Variants in ISYNA1 observed in about 807,000 individuals in gnomAD.
ISYNA1 encodes inositol-3-phosphate synthase 1.
A neutral mutation model predicts 50.3 loss-of-function variants in ISYNA1; 34 were observed. The observed-to-expected ratio is 0.68, with a 90% CI of 0.51 to 0.90. The LOEUF (loss-of-function observed/expected upper bound fraction) is 0.90, where lower values mean the gene tolerates loss of function less well. Ranked by LOEUF, ISYNA1 falls within the 40% of genes least tolerant of loss-of-function variation. ISYNA1 has a pLI of 0.00. For missense variants in ISYNA1, 718 were observed against 784.8 expected (o/e 0.91, Z 1.02); for synonymous variants, 396 against 349.9 (o/e 1.13, Z -1.47).
In ISYNA1 at chr19:18,435,000, C is replaced by G; in HGVS notation, c.1590G>C (p.Lys530Asn). ...PVAATYPMLNKKGPVPAATNG... is the reference protein window; with the variant it reads ...PVAATYPMLNNKGPVPAATNG... The stretch of plus-strand genomic sequence containing the variant: ...TGGTGGCAGCGGGTACCGGTCCTTT[C>G]TTGTTCAACATAGGGTAGGTGGCAG... Residue 530 changes from lysine to asparagine, a missense_variant, in exon 11 of 11, where the codon AAG (lysine) becomes AAC (asparagine). Lys to Asn is a moderately conservative substitution (Grantham distance 94). This residue lies in a region of ISYNA1 where 305 missense variants were observed against 292.6 expected (regional missense o/e 1.04). Transcript: ENST00000338128. The G allele has an allele frequency of 1.2e-6, 2 of 1,613,542 alleles. No individual in the cohort carries two copies. Among genetic ancestry groups the G allele is most frequent in the Non-Finnish European group, 1.7e-6 (2 of 1,180,014 alleles).
rs1370973922 is a variant in ISYNA1, at chr19:18,436,335, T to C, written c.754A>G (p.Ile252Val). 7 of 1,612,140 alleles carry C rather than the reference T, an allele frequency of 4.3e-6. No individual in the cohort carries two copies. Among genetic ancestry groups the C allele is most frequent in the Non-Finnish European group, 5.9e-6 (7 of 1,179,910 alleles). Residue 252 changes from isoleucine (I) to valine (V), a missense_variant, in exon 6 of 11, where the codon ATT (isoleucine) becomes GTT (valine). Around this residue, in one of 3 missense-constraint regions of ISYNA1, gnomAD observed 403 missense variants for 466.6 expected, o/e 0.86. Transcript: ENST00000338128. ...CCACCCGGGCGTTCGCCCACCTCAA[T>C]GGTGCGCAGCAGGTTCTCGGCTGTG... ...NDTAENLLRT[I>V]ELGLEVSPST... is the part of the protein sequence containing the mutation.
At chr19:18,436,932 A>G in intron 4 of ISYNA1, 41 bp downstream of exon 4, 3 of 1,600,800 alleles carry the variant, frequency 1.9e-6, no homozygotes, top group Non-Finnish European at 2.6e-6. Flanking sequence ...TCCAGACCCC[A>G]TCTCCCATCC....
Position 18,434,992 on chromosome 19 carries a change from G to C in ISYNA1, c.1598C>G (p.Pro533Arg), listed in dbSNP as rs751189492. The C allele has an allele frequency of 3.1e-6, 5 of 1,613,446 alleles. No homozygotes were observed. The highest frequency in any genetic ancestry group is 1.7e-5 in the Admixed American group (1 of 60,012). The change falls in exon 11 of 11, where the codon CCG becomes CGG. Residue 533 changes from proline (P) to arginine (R), a missense_variant. Physicochemically the swap from Pro to Arg is moderately radical, Grantham distance 103. Transcript: ENST00000338128. ...ATYPMLNKKGPVPAATNGCTG... is the reference protein window; with the variant it reads ...ATYPMLNKKGRVPAATNGCTG... Reference sequence around the variant, plus strand: ...GCAGCCATTGGTGGCAGCGGGTACCGGTCCTTTCTTGTTCAACATAGGGTA... The same window carrying C: ...GCAGCCATTGGTGGCAGCGGGTACCCGTCCTTTCTTGTTCAACATAGGGTA...
intron 5 of ISYNA1, 91 bp downstream of exon 5, chr19:18,436,593 G>A (rs1600396737): frequency 1.3e-6 from 2 of 1,599,996 alleles, no homozygotes; most frequent in African/African-American, 2.7e-5. Context: ...GGTGTCAAGT[G>A]AGGCCTGGAT....
Position 18,434,724 on chromosome 19 carries a change from G to C in ISYNA1, c.*189C>G. ...GGAGTTGGGGTGATGACCATGGGCA[G>C]AGGGGATGGGACTGAAGCTGGGCGC... On this transcript the variant is annotated 3_prime_UTR_variant, in exon 11 of 11. Transcript: ENST00000338128. 1 of 606,030 alleles carries C rather than the reference G, an allele frequency of 1.7e-6. No homozygotes were observed. Among genetic ancestry groups the C allele is most frequent in the Non-Finnish European group, 2.9e-6 (1 of 342,524 alleles). The allele number at this position is 606,030 out of a possible 1,614,324, so 37.5% of individuals were successfully genotyped here. A position where few individuals can be genotyped will look rare whatever the true frequency, so the allele number is the denominator to read the frequency against.
chr19:18,437,725 G>A lies in ISYNA1; in HGVS notation c.156C>T (p.Thr52=), dbSNP rs756980191. Residue 52 remains threonine, a synonymous_variant, in exon 3 of 11, where the codon ACC becomes ACT. Coordinates refer to ENST00000338128, the MANE Select transcript of ISYNA1 (RefSeq NM_016368.5). The part of the protein sequence containing the change: ...HPTSTRFTFR[T]ARQVPRLGVM... Reference sequence around the variant, plus strand: ...CCCCGAGCCGGGGCACCTGCCGGGCGGTCCGGAAGGTGAAGCGCGTGGACG... The same window carrying A: ...CCCCGAGCCGGGGCACCTGCCGGGCAGTCCGGAAGGTGAAGCGCGTGGACG... 6.4e-7 allele frequency: 1 copy of A among 1,565,592 alleles called. No homozygotes were observed. Among genetic ancestry groups the A allele is most frequent in the South Asian group, 1.2e-5 (1 of 86,022 alleles).
chr19:18,435,139 G>A, intron 10 of ISYNA1, 22 bp from the exon 11 acceptor site: 1 of 1,611,766 alleles, frequency 6.2e-7, no homozygotes, highest in African/African-American at 1.3e-5. Context: ...ACACAGCTTA[G>A]CAGAGCCAGA....
Position 18,437,702 on chromosome 19 carries a change from C to A in ISYNA1, c.179G>T (p.Gly60Val). 1 of 1,555,458 alleles carries A rather than the reference C, an allele frequency of 6.4e-7. No individual in the cohort carries two copies. The highest frequency in any genetic ancestry group is 8.7e-7 in the Non-Finnish European group (1 of 1,153,234). ...CCCGCCCCAGCCGACAAGCATGACC[C>A]CGAGCCGGGGCACCTGCCGGGCGGT... ...FRTARQVPRL[G>V]VMLVGWGGNN... Residue 60 changes from glycine (G) to valine (V), a missense_variant, in exon 3 of 11, where the codon GGG (glycine) becomes GTG (valine). Gly to Val is a moderately radical substitution (Grantham distance 109). Transcript: ENST00000338128.
rs987390530 is a variant in ISYNA1, at chr19:18,434,748, G to A, written c.*165C>T. ...AGAGGGGATGGGACTGAAGCTGGGC[G>A]CTCAAGAGTCGGGGAAGTAGAGGGA... On this transcript the variant is annotated 3_prime_UTR_variant, in exon 11 of 11. Transcript: ENST00000338128. 3 of 632,424 alleles carry A rather than the reference G, an allele frequency of 4.7e-6. No homozygotes were observed. Among genetic ancestry groups the A allele is most frequent in the Non-Finnish European group, 5.5e-6 (2 of 360,434 alleles). The allele number at this position is 632,424 out of a possible 1,614,324, so 39.2% of individuals were successfully genotyped here. A position where few individuals can be genotyped will look rare whatever the true frequency, so the allele number is the denominator to read the frequency against.
chr19:18,435,041 G>T lies in ISYNA1; in HGVS notation c.1549C>A (p.Arg517=). 6.2e-7 allele frequency: 1 copy of T among 1,613,628 alleles called. No homozygotes were observed. The highest frequency in any genetic ancestry group is 8.5e-7 in the Non-Finnish European group (1 of 1,180,008). ...TAGGTGGCAGCCACGGGTCCAACTC[G>T]CTTGAGGCTGGGCCCTGGGCGCTCC... ...KMERPGPSLK[R]VGPVAATYPM... Residue 517 remains arginine, a synonymous_variant, in exon 11 of 11, where the codon CGA becomes AGA. Transcript: ENST00000338128.
rs373142550 is a variant in ISYNA1 at position 18,435,493 on chromosome 19, G to A, written c.1255-10C>T. 2.4e-5 allele frequency: 38 copies of A among 1,608,100 alleles called. No homozygotes were observed. The African/African-American group carries it at 4.1e-4, about 17-fold the overall frequency. Reference sequence around the variant, plus strand: ...CGGCCAGCAGCGAGTCCTGCGGGGCGGGTGGGTCAGGAGATGGGGGCGGTG... The same window carrying A: ...CGGCCAGCAGCGAGTCCTGCGGGGCAGGTGGGTCAGGAGATGGGGGCGGTG... On this transcript the variant is annotated splice_polypyrimidine_tract_variant and intron_variant, in intron 9 of 10. Coordinates refer to ENST00000338128, the MANE Select transcript of ISYNA1 (RefSeq NM_016368.5).
rs953303293 is a variant in ISYNA1 at position 18,435,935 on chromosome 19, G to C, written c.976-14C>G. 6.2e-7 allele frequency: 1 copy of C among 1,613,654 alleles called. No homozygotes were observed. Among genetic ancestry groups the C allele is most frequent in the Non-Finnish European group, 8.5e-7 (1 of 1,179,822 alleles). On this transcript the variant is annotated splice_polypyrimidine_tract_variant and intron_variant, in intron 7 of 10. Transcript: ENST00000338128. Reference sequence around the variant, plus strand: ...GATGGACATGGTCTGTGGGTACAAGGGAAGCCCCAGCAGCTGCAGGCCCTG... The same window carrying C: ...GATGGACATGGTCTGTGGGTACAAGCGAAGCCCCAGCAGCTGCAGGCCCTG...
In ISYNA1 at chr19:18,435,746, G is replaced by T. The variant is rs760638547; in HGVS notation, c.1140+11C>A. On this transcript the variant is annotated intron_variant, in intron 8 of 10. Transcript: ENST00000338128. ...CGGGCAACCCCGCGCCCGCGCCCGC[G>T]CCCCACGCACGCAGTGGTCAGGCTC... is the stretch of plus-strand genomic sequence containing the variant. 8.7e-6 allele frequency: 14 copies of T among 1,611,704 alleles called. No homozygotes were observed. Among genetic ancestry groups the T allele is most frequent in the Admixed American group, 1.7e-5 (1 of 59,956 alleles).
rs770150882 is a variant in ISYNA1 at position 18,436,574 on chromosome 19, A to G, written c.610-95T>C. The G allele has an allele frequency of 2.7e-5, 43 of 1,597,078 alleles. No individual in the cohort carries two copies. In the African/African-American group the frequency reaches 4.7e-4, roughly 17 times the overall value. On this transcript the variant is annotated intron_variant, in intron 5 of 10. Coordinates refer to ENST00000338128, the MANE Select transcript of ISYNA1 (RefSeq NM_016368.5). The stretch of plus-strand genomic sequence containing the variant: ...GGACTCACAGAGGCCTGGGCTACTC[A>G]GTTCCCCGGGTGTCAAGTGAGGCCT...
chr19:18,437,172 C>G (rs1340534273), intron 3 of ISYNA1, 67 bp from the exon 4 acceptor site: 1 of 1,510,054 alleles, frequency 6.6e-7, no homozygotes, highest in African/African-American at 1.4e-5. Flanking sequence ...CCGGCCTGGG[C>G]CCCACCTAGA....
chr19:18,435,225 G>C, intron 10 of ISYNA1, 41 bp downstream of exon 10: 2 of 1,579,844 alleles, frequency 1.3e-6, no homozygotes, highest in East Asian at 4.5e-5. Flanking sequence ...AGCCAGGGGG[G>C]TATCTGGGCC....
Position 18,435,061 on chromosome 19 carries a change from C to CG in ISYNA1, c.1528dup (p.Arg510ProfsTer35). 1 of 1,613,566 alleles carries CG rather than the reference C, an allele frequency of 6.2e-7. No individual in the cohort carries two copies. ...AACTCGCTTGAGGCTGGGCCCTGGG[C>CG]GCTCCATTTTGTGTTCCAGGAGCAT... On this transcript the variant is annotated frameshift_variant, in exon 11 of 11. Transcript: ENST00000338128. LOFTEE classifies it low-confidence loss of function (END_TRUNC).
intron 7 of ISYNA1, 51 bp from the exon 8 acceptor site, chr19:18,435,972 GC>G (rs1568365308): frequency 1.9e-6 from 3 of 1,612,754 alleles, no homozygotes; most frequent in East Asian, 4.5e-5. Flanking sequence ...GGCCCCACAA[GC>G]CAGGTGCTCG....
chr19:18,436,818 A>G lies in ISYNA1; in HGVS notation c.475T>C (p.Trp159Arg), dbSNP rs1258720562. The G allele has an allele frequency of 1.3e-6, 2 of 1,590,964 alleles. No homozygotes were observed. Among genetic ancestry groups the G allele is most frequent in the East Asian group, 2.2e-5 (1 of 44,666 alleles). ...GGCCACAGTTGCTCCTGCAGCCCCC[A>G]GTCCAGCACCTTCGCGCGCCGCATC... ...EAMRRAKVLD[W>R]GLQEQLWPHM... The change falls in exon 5 of 11, where the codon TGG becomes CGG. Residue 159 changes from tryptophan to arginine, a missense_variant. By Grantham distance (101) the Trp-to-Arg change is moderately radical (BLOSUM62 -3). Coordinates refer to ENST00000338128, the MANE Select transcript of ISYNA1 (RefSeq NM_016368.5).
Sources: gnomAD v4.1 joint callset for allele counts on GRCh38, gnomAD v4.1.1 for gene constraint, gnomAD v4.1.1 regional missense constraint, MANE v1.5 for transcripts, NCBI Gene and HGNC (gene_info 2026-07-23, HGNC 2026-07-21) for gene names.